The following DLGAP2 variants were observed in gnomAD, a reference collection of about 807,000 sequenced individuals.
DLGAP2 encodes DLG associated protein 2.
A neutral mutation model predicts 100.3 loss-of-function variants in DLGAP2; 26 were observed. That is an observed-to-expected ratio of 0.26 (90% confidence interval 0.19 to 0.36). The LOEUF is 0.36. Among genes scored for constraint, DLGAP2 ranks in the 10% least tolerant of loss-of-function variants. DLGAP2 has a pLI of 1.00. For missense variants in DLGAP2, 1,858 were observed against 1,453.2 expected (o/e 1.28, Z -4.53); for synonymous variants, 886 against 630.1 (o/e 1.41, Z -6.08).
intron 2 of DLGAP2, among the ~76,000 whole-genome samples, chr8:930,450 A>G (rs1373258577): frequency 6.6e-6 from 1 of 152,236 alleles, no homozygotes. Flanking sequence ...TGATGTAACA[A>G]CACTGCATCA....
chr8:1,598,981 C>G (rs1294087634), intron 6 of DLGAP2, among the ~76,000 whole-genome samples: 1 of 152,138 alleles, frequency 6.6e-6, no homozygotes, highest in African/African-American at 2.4e-5. Context: ...TTAGATCTTT[C>G]CCACTTTCTC....
chr8:1,117,512 G>A (rs909582917), intron 2 of DLGAP2, among the ~76,000 whole-genome samples: 6 of 152,080 alleles, frequency 3.9e-5, no homozygotes, highest in African/African-American at 1.4e-4. Flanking sequence ...TGTAGGACAA[G>A]CCTGAACCAA....
chr8:1,445,942 C>G (rs1361046166), intron 3 of DLGAP2, among the ~76,000 whole-genome samples: 3 of 149,478 alleles, frequency 2.0e-5, no homozygotes, highest in South Asian at 2.4e-4. Flanking sequence ...GGGTCGTTTG[C>G]TTTTTTTCTT....
intron 6 of DLGAP2, among the ~76,000 whole-genome samples, chr8:1,598,398 T>A (rs1465104089): frequency 6.6e-6 from 1 of 152,064 alleles, no homozygotes; most frequent in Non-Finnish European, 1.5e-5. Context: ...TAGAGAGGAG[T>A]CCGTCTTTTT....
intron 1 of DLGAP2, among the ~76,000 whole-genome samples, chr8:821,898 C>G (rs952456678): frequency 6.6e-6 from 1 of 152,250 alleles, no homozygotes; most frequent in African/African-American, 2.4e-5. Context: ...ATTCCACGGT[C>G]TGGTCTACAA....
In DLGAP2 at chr8:1,501,533, C is replaced by T. The variant is rs1799723795; in HGVS notation, c.172+102C>T. ...GGACCGTCCCACAAACACACGTTAG[C>T]ATGTTTAGAAAGGGAGCTAAGAAGA... On this transcript the variant is annotated intron_variant, in intron 4 of 14. Coordinates refer to ENST00000637795, the MANE Select transcript of DLGAP2 (RefSeq NM_001346810.2). 8 of 1,166,566 alleles carry T rather than the reference C, an allele frequency of 6.9e-6. No homozygotes were observed. In the Admixed American group the frequency reaches 2.1e-4, roughly 30 times the overall value. The allele number at this position is 1,166,566 out of a possible 1,614,324, so 72.3% of individuals were successfully genotyped here.
At chr8:1,286,723 G>C (rs894958444) in intron 3 of DLGAP2, among the ~76,000 whole-genome samples, 2 of 152,216 alleles carry the variant, frequency 1.3e-5, no homozygotes, top group African/African-American at 2.4e-5. Context: ...AGCAACTGGA[G>C]TGTTAATCCA....
At chr8:1,324,236 C>T (rs1800970995) in intron 3 of DLGAP2, among the ~76,000 whole-genome samples, 1 of 152,202 alleles carries the variant, frequency 6.6e-6, no homozygotes, top group African/African-American at 2.4e-5. Flanking sequence ...TCTCTGCCCC[C>T]ATAAGAACAG....
At chr8:1,333,138 G>A (rs1212766156) in intron 3 of DLGAP2, among the ~76,000 whole-genome samples, 4 of 152,186 alleles carry the variant, frequency 2.6e-5, no homozygotes, top group Non-Finnish European at 5.9e-5. Context: ...CCGGCTGCAG[G>A]CGTGAGCACA....
chr8:1,472,116 C>G (rs996978485), intron 3 of DLGAP2, among the ~76,000 whole-genome samples: 1 of 152,232 alleles, frequency 6.6e-6, no homozygotes, highest in African/African-American at 2.4e-5. Flanking sequence ...AAACAAGTGC[C>G]CCTCCACAGT....
intron 4 of DLGAP2, among the ~76,000 whole-genome samples, chr8:1,518,201 A>T (rs1018783562): frequency 1.3e-5 from 2 of 152,156 alleles, no homozygotes; most frequent in Admixed American, 1.3e-4. Context: ...TTGGACACGG[A>T]ATCGAGTTTG....
chr8:1,180,312 C>T (rs963725937), intron 2 of DLGAP2, among the ~76,000 whole-genome samples: 3 of 152,210 alleles, frequency 2.0e-5, no homozygotes, highest in South Asian at 2.1e-4. Context: ...AGAGCGTTCC[C>T]TCCTGCCAAA....
rs1339638451 is a variant in DLGAP2 at position 1,701,916 on chromosome 8, C to T, written c.*510C>T. On this transcript the variant is annotated 3_prime_UTR_variant, in exon 15 of 15. Transcript: ENST00000637795. ...CCCTCGCACAGCCGAGCTTTTACTC[C>T]CTGAGCACGGGCCGCTCCGCTCCCC... The T allele has an allele frequency of 1.3e-5, 2 of 152,868 alleles. No individual in the cohort carries two copies. The highest frequency in any genetic ancestry group is 4.8e-5 in the African/African-American group (2 of 41,432). 9.5% of individuals were successfully genotyped at this position (152,868 alleles called of 1,614,324 possible).
At chr8:1,661,114 T>C (rs1479604421) in intron 8 of DLGAP2, among the ~76,000 whole-genome samples, 2 of 152,220 alleles carry the variant, frequency 1.3e-5, no homozygotes, top group African/African-American at 4.8e-5. Flanking sequence ...TCTAGCTCTT[T>C]CCAAGAAAAC....
At chr8:1,414,640 G>A (rs538792104) in intron 3 of DLGAP2, among the ~76,000 whole-genome samples, 18 of 152,346 alleles carry the variant, frequency 1.2e-4, no homozygotes, top group Middle Eastern at 3.4e-3. Context: ...TGAGGATCCC[G>A]CCATCTACGC....
At chr8:1,187,405 G>A (rs371662504) in intron 2 of DLGAP2, among the ~76,000 whole-genome samples, 1 of 61,198 alleles carries the variant, frequency 1.6e-5, no homozygotes, top group Non-Finnish European at 3.3e-5. Context: ...CTCACGGAAT[G>A]TCACACGCCC....
intron 2 of DLGAP2, among the ~76,000 whole-genome samples, chr8:925,376 C>T (rs980430920): frequency 1.3e-5 from 2 of 152,134 alleles, no homozygotes; most frequent in African/African-American, 4.8e-5. Flanking sequence ...CCCAGCTCAG[C>T]TTGTTTCATA....
chr8:1,652,599 A>G (rs1403106896), intron 8 of DLGAP2, among the ~76,000 whole-genome samples: 1 of 152,154 alleles, frequency 6.6e-6, no homozygotes, highest in African/African-American at 2.4e-5. Context: ...CTGTCAGGTC[A>G]ACGACACCTA....
At chr8:904,729 G>A (rs1480109154) in intron 1 of DLGAP2, among the ~76,000 whole-genome samples, 3 of 152,180 alleles carry the variant, frequency 2.0e-5, no homozygotes, top group East Asian at 1.9e-4. Context: ...CGGGGTGACC[G>A]CTGAGTATAT....
Sources: gnomAD v4.1 joint callset for allele counts (sites outside exome capture counted in the v4.1 genomes callset) on GRCh38, gnomAD v4.1.1 for gene constraint, MANE v1.5 for transcripts, NCBI Gene and HGNC (gene_info 2026-07-23, HGNC 2026-07-21) for gene names.